Variants in PRKN observed in about 807,000 individuals in gnomAD.
The protein encoded by PRKN is E3 ubiquitin-protein ligase parkin.
In PRKN, 56 loss-of-function variants were observed where a neutral mutation model predicts 59.5. That is an observed-to-expected ratio of 0.94 (90% CI 0.76 to 1.18). PRKN has a LOEUF of 1.18. Ranked by LOEUF, PRKN falls within the 50% of genes most tolerant of loss-of-function variation. The probability of loss-of-function intolerance (pLI) is 0.00; values close to 1 mark genes in which losing one functional copy is unlikely to be tolerated. For missense variants in PRKN, 657 were observed against 596.4 expected (o/e 1.10, Z -1.06); for synonymous variants, 250 against 222.1 (o/e 1.13, Z -1.12).
At chr6:162,576,201 T>G (rs1229082758) in intron 1 of PRKN, among the ~76,000 whole-genome samples, 1 of 152,188 alleles carries the variant, frequency 6.6e-6, no homozygotes, top group East Asian at 1.9e-4. Flanking sequence ...CTCACCTATG[T>G]ACCATTGAAC....
intron 7 of PRKN, among the ~76,000 whole-genome samples, chr6:161,712,640 G>A (rs758311094): frequency 8.6e-5 from 13 of 151,964 alleles, no homozygotes; most frequent in Non-Finnish European, 1.6e-4. Flanking sequence ...ATGGATCTAA[G>A]TTCTTCTGTA....
chr6:162,470,814 T>C (rs543777559), intron 1 of PRKN, among the ~76,000 whole-genome samples: 1 of 152,088 alleles, frequency 6.6e-6, no homozygotes, highest in Non-Finnish European at 1.5e-5. Context: ...TGGAATGCAG[T>C]GGTGCAATCT....
chr6:161,651,132 TAGCTTC>T (rs1211766539), intron 7 of PRKN, among the ~76,000 whole-genome samples: 1 of 152,220 alleles, frequency 6.6e-6, no homozygotes, highest in Non-Finnish European at 1.5e-5. Context: ...AAGAGAGGTT[TAGCTTC>T]AATTAAGACA....
intron 2 of PRKN, among the ~76,000 whole-genome samples, chr6:162,349,377 G>A (rs962692734): frequency 6.6e-6 from 1 of 152,156 alleles, no homozygotes; most frequent in Non-Finnish European, 1.5e-5. Flanking sequence ...AGAGGCAGGA[G>A]AATCGCTGGA....
intron 1 of PRKN, among the ~76,000 whole-genome samples, chr6:162,451,910 T>A (rs552780400): frequency 6.6e-6 from 1 of 152,142 alleles, no homozygotes. Flanking sequence ...AGGATAAATA[T>A]GAACGTGCTT....
intron 2 of PRKN, among the ~76,000 whole-genome samples, chr6:162,380,646 A>G (rs1182223426): frequency 5.3e-5 from 8 of 151,470 alleles, no homozygotes; most frequent in Admixed American, 4.6e-4. Flanking sequence ...GGAGTTAAAG[A>G]TACTCATTCA....
At chr6:161,667,783 A>G (rs1190427554) in intron 7 of PRKN, among the ~76,000 whole-genome samples, 1 of 152,232 alleles carries the variant, frequency 6.6e-6, no homozygotes, top group Non-Finnish European at 1.5e-5. Context: ...AAATCCAGGC[A>G]GTGAAATTAC....
intron 7 of PRKN, among the ~76,000 whole-genome samples, chr6:161,769,127 T>G (rs1386797429): frequency 6.6e-6 from 1 of 152,234 alleles, no homozygotes; most frequent in East Asian, 1.9e-4. Flanking sequence ...TATCAAAGTA[T>G]TAATGTAGAA....
chr6:162,470,168 C>G (rs552725937), intron 1 of PRKN, among the ~76,000 whole-genome samples: 13 of 152,264 alleles, frequency 8.5e-5, no homozygotes, highest in African/African-American at 3.1e-4. Context: ...AGACATCAGA[C>G]TCAGGACTTA....
intron 4 of PRKN, among the ~76,000 whole-genome samples, chr6:162,112,083 C>T (rs1169673709): frequency 6.6e-6 from 1 of 152,238 alleles, no homozygotes; most frequent in Admixed American, 6.5e-5. Context: ...ACTCTCAATA[C>T]TTGTATCTAC....
chr6:162,166,047 C>CAAAAAAAAAAAAAA (rs10557222), intron 4 of PRKN, among the ~76,000 whole-genome samples: 7 of 80,240 alleles, frequency 8.7e-5, no homozygotes, highest in African/African-American at 3.1e-4. Context: ...GACTCTATCT[C>CAAAAAAAAAAAAAA]AAAAAAAAAA....
At chr6:162,360,102 TGGGTGTGGGTGC>T (rs1424432931) in intron 2 of PRKN, among the ~76,000 whole-genome samples, 2 of 151,826 alleles carry the variant, frequency 1.3e-5, no homozygotes, top group Non-Finnish European at 1.5e-5. Flanking sequence ...TGGGTGGGTG[TGGGTGTGGGTGC>T]GGGTGTGGGT....
At chr6:161,534,216 T>C (rs1779328050) in intron 9 of PRKN, among the ~76,000 whole-genome samples, 1 of 152,186 alleles carries the variant, frequency 6.6e-6, no homozygotes, top group Non-Finnish European at 1.5e-5. Context: ...TCTCTGCAGC[T>C]GCCTAGCTTT....
intron 1 of PRKN, among the ~76,000 whole-genome samples, chr6:162,534,948 T>C (rs1198392116): frequency 1.3e-5 from 2 of 150,132 alleles, no homozygotes; most frequent in Non-Finnish European, 3.0e-5. Context: ...CTAAGAACAC[T>C]ACTTCTTCAA....
chr6:162,696,317 G>C (rs972423376), intron 1 of PRKN, among the ~76,000 whole-genome samples: 1 of 152,126 alleles, frequency 6.6e-6, no homozygotes, highest in Non-Finnish European at 1.5e-5. Flanking sequence ...CCCTGCCTGA[G>C]AAAGTGCCAC....
chr6:161,428,884 G>A lies in PRKN; in HGVS notation c.1084-42007C>T, dbSNP rs1220395444. Among the ~76,000 whole-genome samples the A allele has an allele frequency of 6.6e-6, 1 of 152,160 alleles. No individual in the cohort carries two copies. Among genetic ancestry groups the A allele is most frequent in the African/African-American group, 2.4e-5 (1 of 41,428 alleles). The stretch of plus-strand genomic sequence containing the variant: ...AGTGTTTCAAGCAGGCCTCTATCAT[G>A]TGCTGACCTATGGCTAGGGGTCCCT... On this transcript the variant is annotated intron_variant, in intron 9 of 11. Transcript: ENST00000366898. The surrounding 1 kb of genome is among the most constrained non-coding windows in gnomAD (Gnocchi z 4.0).
At chr6:162,069,709 GATTA>G (rs1297854867) in intron 4 of PRKN, among the ~76,000 whole-genome samples, 1 of 152,126 alleles carries the variant, frequency 6.6e-6, no homozygotes, top group Non-Finnish European at 1.5e-5. Flanking sequence ...AAATAGAAAG[GATTA>G]ATTGTTCCTA....
chr6:162,547,769 C>T (rs1007257107), intron 1 of PRKN, among the ~76,000 whole-genome samples: 9 of 151,782 alleles, frequency 5.9e-5, no homozygotes, highest in Middle Eastern at 3.4e-3. Context: ...TTAGTAGAGA[C>T]GGGGGTTTCA....
At chr6:162,022,748 T>C (rs568450193) in intron 5 of PRKN, among the ~76,000 whole-genome samples, 66 of 152,270 alleles carry the variant, frequency 4.3e-4, no homozygotes, top group Admixed American at 3.4e-3. Flanking sequence ...AGTGTCCAGA[T>C]GAGTTTTTCC....
Sources: gnomAD v4.1 joint callset for allele counts (sites outside exome capture counted in the v4.1 genomes callset) on GRCh38, gnomAD v4.1.1 for gene constraint, Gnocchi (gnomAD v3.1) non-coding constraint, MANE v1.5 for transcripts, NCBI Gene and HGNC (gene_info 2026-07-23, HGNC 2026-07-21) for gene names.